The following MBD5 variants were observed in gnomAD, a reference collection of about 807,000 sequenced individuals.
MBD5 encodes methyl-CpG-binding domain protein 5.
A neutral mutation model predicts 117.3 loss-of-function variants in MBD5; 13 were observed. The observed-to-expected ratio is 0.11, with a 90% CI of 0.07 to 0.18. The LOEUF is 0.18. MBD5 is among the 10% of genes least tolerant of loss of function. The pLI, the probability that MBD5 is intolerant of heterozygous loss-of-function variation, is 1.00. For synonymous variants in MBD5, 727 were observed against 766.4 expected (o/e 0.95, Z 0.85); for missense variants, 1,879 against 2,093.8 (o/e 0.90, Z 2.00).
chr2:148,182,072 G>T (rs1476774735), intron 2 of MBD5, among the ~76,000 whole-genome samples: 4 of 151,332 alleles, frequency 2.6e-5, no homozygotes, highest in Non-Finnish European at 5.9e-5. Flanking sequence ...AGTTCCTCTG[G>T]AACTATGTTA....
At chr2:148,477,374 T>C (rs1403363832) in intron 8 of MBD5, among the ~76,000 whole-genome samples, 8 of 152,096 alleles carry the variant, frequency 5.3e-5, no homozygotes, top group Non-Finnish European at 1.2e-4. Context: ...TAGGGCCCCT[T>C]CCTCCCTCCC....
intron 1 of MBD5, among the ~76,000 whole-genome samples, chr2:148,068,360 G>T (rs1432000130): frequency 6.6e-6 from 1 of 152,160 alleles, no homozygotes; most frequent in African/African-American, 2.4e-5. Flanking sequence ...GCCTATGGTT[G>T]TCCCGTGAAT....
intron 11 of MBD5, among the ~76,000 whole-genome samples, chr2:148,492,173 T>G (rs1681546958): frequency 6.6e-6 from 1 of 151,208 alleles, no homozygotes; most frequent in African/African-American, 2.4e-5. Flanking sequence ...GAGATGTACT[T>G]TAAAAAAAAA....
intron 8 of MBD5, chr2:148,471,547 C>T (rs1162328904): frequency 6.6e-6 from 1 of 152,040 alleles, no homozygotes; most frequent in African/African-American, 2.4e-5. Context: ...GGTATAATAC[C>T]GTCATGCTGG....
At chr2:148,388,763 C>CT (rs151015882) in intron 4 of MBD5, among the ~76,000 whole-genome samples, 2,036 of 152,190 alleles carry the variant, frequency 0.013, 52 homozygotes, top group African/African-American at 0.045. Context: ...TGTCATCTCC[C>CT]TTTTTTATAA....
intron 1 of MBD5, among the ~76,000 whole-genome samples, chr2:148,085,259 G>C (rs1029693501): frequency 5.9e-5 from 9 of 152,192 alleles, no homozygotes; most frequent in Admixed American, 2.0e-4. Context: ...TGGTAATTGT[G>C]GTTGATTGTT....
intron 1 of MBD5, among the ~76,000 whole-genome samples, chr2:148,178,032 G>A (rs1470312124): frequency 1.3e-5 from 2 of 152,188 alleles, no homozygotes; most frequent in East Asian, 1.9e-4. Context: ...GTATGGCACT[G>A]TAGAATCCAA....
At chr2:148,150,330 T>A (rs1697616741) in intron 1 of MBD5, among the ~76,000 whole-genome samples, 1 of 150,990 alleles carries the variant, frequency 6.6e-6, no homozygotes. Flanking sequence ...ACCATGCTGT[T>A]TTGGTTACTA....
chr2:148,399,526 A>T (rs191718898), intron 4 of MBD5, among the ~76,000 whole-genome samples: 156 of 152,284 alleles, frequency 1.0e-3, no homozygotes, highest in Middle Eastern at 3.4e-3. Context: ...TTTGCTGAAG[A>T]TGCCTATCAG....
chr2:148,421,790 C>T (rs1283329744), intron 4 of MBD5, among the ~76,000 whole-genome samples: 1 of 152,140 alleles, frequency 6.6e-6, no homozygotes, highest in Admixed American at 6.5e-5. Context: ...GCAGTTTTAC[C>T]CTCACAGTGT....
At chr2:148,100,662 A>G (rs1393454630) in intron 1 of MBD5, among the ~76,000 whole-genome samples, 2 of 152,220 alleles carry the variant, frequency 1.3e-5, no homozygotes, top group African/African-American at 4.8e-5. Flanking sequence ...GGCCTGTGCC[A>G]TATGTTCTCT....
At chr2:148,218,917 A>G (rs1478800923) in intron 2 of MBD5, among the ~76,000 whole-genome samples, 2 of 152,224 alleles carry the variant, frequency 1.3e-5, no homozygotes, top group Non-Finnish European at 2.9e-5. Flanking sequence ...ATACTAATGT[A>G]GACTTTATAA....
chr2:148,121,228 A>G (rs548911939), intron 1 of MBD5, among the ~76,000 whole-genome samples: 2 of 152,316 alleles, frequency 1.3e-5, no homozygotes, highest in Non-Finnish European at 2.9e-5. Flanking sequence ...ACTATTTACA[A>G]GTAAAAGATT....
At chr2:148,280,151 CAAAA>C (rs1474298212) in intron 3 of MBD5, among the ~76,000 whole-genome samples, 1 of 92,608 alleles carries the variant, frequency 1.1e-5, no homozygotes, top group African/African-American at 4.1e-5. Context: ...AAAAAAAAAA[CAAAA>C]AGAAAAAACA....
At chr2:148,139,722 T>G (rs1697266382) in intron 1 of MBD5, among the ~76,000 whole-genome samples, 1 of 152,140 alleles carries the variant, frequency 6.6e-6, no homozygotes, top group Non-Finnish European at 1.5e-5. Context: ...TCTCCACTTT[T>G]AAACAATAGC....
intron 4 of MBD5, among the ~76,000 whole-genome samples, chr2:148,427,976 T>A (rs577876726): frequency 2.0e-5 from 3 of 151,990 alleles, no homozygotes. Flanking sequence ...TTCAACATAG[T>A]ATTGGAAGTG....
At chr2:148,116,567 C>T (rs927246565) in intron 1 of MBD5, among the ~76,000 whole-genome samples, 3 of 152,142 alleles carry the variant, frequency 2.0e-5, no homozygotes, top group Admixed American at 6.6e-5. Context: ...CCAGGGTGGA[C>T]GTGTAGGTTA....
At chr2:148,464,026 A>G in intron 7 of MBD5, 107 bp downstream of exon 7, 4 of 1,111,408 alleles carry the variant, frequency 3.6e-6, no homozygotes, top group Admixed American at 2.6e-5. Flanking sequence ...GGCACGCACA[A>G]TGCTTTTAAA....
At chr2:148,293,405 C>T (rs1306865270) in intron 3 of MBD5, among the ~76,000 whole-genome samples, 2 of 152,052 alleles carry the variant, frequency 1.3e-5, no homozygotes, top group African/African-American at 2.4e-5. Flanking sequence ...TGGTTTATAT[C>T]TCAAAGGATA....
Sources: allele counts gnomAD v4.1 joint callset (sites outside exome capture counted in the v4.1 genomes callset), GRCh38; gene constraint gnomAD v4.1.1; transcripts MANE v1.5; gene names NCBI Gene and HGNC (gene_info 2026-07-23, HGNC 2026-07-21).